Variants in ISCA1 observed in about 807,000 individuals in gnomAD.
ISCA1 encodes iron-sulfur cluster assembly 1.
A neutral mutation model predicts 14.7 loss-of-function variants in ISCA1; 9 were observed. That is an observed-to-expected ratio of 0.61 (90% CI 0.37 to 1.07). The LOEUF (loss-of-function observed/expected upper bound fraction) is 1.07. ISCA1 is among the 50% of genes least tolerant of loss of function. ISCA1 has a pLI of 0.01. For missense variants in ISCA1, 102 were observed against 150.1 expected, an observed-to-expected ratio of 0.68 and a Z score of 1.67; for synonymous variants, 38 against 54.3, an observed-to-expected ratio of 0.70 and a Z score of 1.32.
intron 1 of ISCA1, among the ~76,000 whole-genome samples, chr9:86,281,221 C>T (rs191534211): frequency 6.6e-6 from 1 of 152,226 alleles, no homozygotes; most frequent in East Asian, 1.9e-4. Flanking sequence ...TAGAATGATA[C>T]ATAATCAGTA....
chr9:86,269,792 T>G (rs932852092), intron 3 of ISCA1, among the ~76,000 whole-genome samples: 4 of 151,678 alleles, frequency 2.6e-5, no homozygotes, highest in South Asian at 4.2e-4. Flanking sequence ...ACGCCGCATA[T>G]CTACAACTAT....
chr9:86,275,201 A>AG (rs1374585764), intron 1 of ISCA1, among the ~76,000 whole-genome samples: 2 of 151,838 alleles, frequency 1.3e-5, no homozygotes, highest in African/African-American at 4.8e-5. Flanking sequence ...GCACAAAAAT[A>AG]CCAAGTATTA....
At position 86,266,141 on chromosome 9, in the gene ISCA1, C is replaced by G. The variant is rs1172347119; in HGVS notation, c.292G>C (p.Glu98Gln). The G allele has an allele frequency of 1.2e-6, 2 of 1,612,506 alleles. No individual in the cohort carries two copies. Among genetic ancestry groups the G allele is most frequent in the Non-Finnish European group, 1.7e-6 (2 of 1,179,418 alleles). The change falls in exon 4 of 4, where the codon GAA (glutamate) becomes CAA (glutamine). Residue 98 changes from glutamate (E) to glutamine (Q), a missense_variant. Coordinates refer to ENST00000375991, the MANE Select transcript of ISCA1 (RefSeq NM_030940.4). Reference sequence around the variant, plus strand: ...AATTTGTCTTCAACATAGTCCATTTCTGTTCCTAAAAGTGTTAGCTGTGCT... The same window carrying G: ...AATTTGTCTTCAACATAGTCCATTTGTGTTCCTAAAAGTGTTAGCTGTGCT... ...KKAQLTLLGTEMDYVEDKLSS... is the reference protein window; with the variant it reads ...KKAQLTLLGTQMDYVEDKLSS...
intron 3 of ISCA1, chr9:86,267,244 G>A (rs996432093): frequency 4.2e-5 from 32 of 754,356 alleles, no homozygotes; most frequent in Non-Finnish European, 4.8e-5. Flanking sequence ...ACAAAACAAC[G>A]AAACAACAAA....
Position 86,282,447 on chromosome 9 carries a change from G to A in ISCA1, c.12C>T (p.Ser4=), listed in dbSNP as rs1442583297. MSA[S]LVRATVRAVS... is the part of the protein sequence containing the mutation. ...CAGCCCGGACAGTTGCCCGGACTAA[G>A]GAAGCCGACATCTTCGCCGTCCCGG... The change falls in exon 1 of 4, where the codon TCC becomes TCT. Residue 4 remains serine, a synonymous_variant. Coordinates refer to ENST00000375991, the MANE Select transcript of ISCA1 (RefSeq NM_030940.4). 7.7e-6 allele frequency: 12 copies of A among 1,553,794 alleles called. No individual in the cohort carries two copies. The highest frequency in any genetic ancestry group is 1.7e-4 in the Middle Eastern group (1 of 5,986).
At chr9:86,281,503 G>A (rs189432569) in intron 1 of ISCA1, among the ~76,000 whole-genome samples, 1 of 152,278 alleles carries the variant, frequency 6.6e-6, no homozygotes, top group Admixed American at 6.5e-5. Flanking sequence ...TTCTTTTGGG[G>A]TGAAAGTATT....
intron 2 of ISCA1, among the ~76,000 whole-genome samples, chr9:86,273,754 A>G (rs1267533315): frequency 6.6e-6 from 1 of 152,076 alleles, no homozygotes. Context: ...CTTTTACTCT[A>G]TACAGTCACC....
chr9:86,272,046 T>C lies in ISCA1; in HGVS notation c.202A>G (p.Lys68Glu). ...NGLSYTLEYT[K>E]TKGDSDEEVI... ...TCTTCATCAGAATCTCCTTTTGTCT[T>C]TGTATATTCTAGAGTATAAGAAAGG... Residue 68 changes from lysine (K) to glutamate (E), a missense_variant, in exon 3 of 4, where the codon AAG (lysine) becomes GAG (glutamate). Lys to Glu is a moderately conservative substitution (Grantham distance 56). Transcript: ENST00000375991. 2 of 1,605,620 alleles carry C rather than the reference T, an allele frequency of 1.2e-6. No homozygotes were observed. Among genetic ancestry groups the C allele is most frequent in the African/African-American group, 1.3e-5 (1 of 74,820 alleles).
intron 1 of ISCA1, among the ~76,000 whole-genome samples, chr9:86,277,239 G>A (rs1340099968): frequency 1.3e-5 from 2 of 152,278 alleles, no homozygotes; most frequent in African/African-American, 4.8e-5. Context: ...GACTCTTTAA[G>A]GGAAAAGTAA....
intron 2 of ISCA1, among the ~76,000 whole-genome samples, chr9:86,273,485 T>C (rs977253898): frequency 3.3e-5 from 5 of 152,050 alleles, no homozygotes; most frequent in Admixed American, 6.6e-5. Context: ...GTTAAAGAAC[T>C]CAAACTTGTT....
At chr9:86,278,403 G>A (rs934651600) in intron 1 of ISCA1, among the ~76,000 whole-genome samples, 5 of 152,122 alleles carry the variant, frequency 3.3e-5, no homozygotes, top group African/African-American at 1.2e-4. Flanking sequence ...GGTGGCTCAT[G>A]CCTGTAATGC....
At chr9:86,266,255 G>A in intron 3 of ISCA1, 64 bp from the exon 4 acceptor site, 1 of 1,525,550 alleles carries the variant, frequency 6.6e-7, no homozygotes, top group Non-Finnish European at 8.8e-7. Flanking sequence ...CTGATTCAAA[G>A]CACAAGTGAA....
At chr9:86,270,739 T>C (rs949300832) in intron 3 of ISCA1, among the ~76,000 whole-genome samples, 4 of 150,684 alleles carry the variant, frequency 2.7e-5, no homozygotes, top group African/African-American at 7.3e-5. Flanking sequence ...GTGGCACATA[T>C]ACACCATGGA....
At chr9:86,279,336 G>A (rs1337028460) in intron 1 of ISCA1, among the ~76,000 whole-genome samples, 1 of 152,112 alleles carries the variant, frequency 6.6e-6, no homozygotes, top group Non-Finnish European at 1.5e-5. Context: ...GTACAATGAT[G>A]GAAATAAATC....
At position 86,274,209 on chromosome 9, in the gene ISCA1, G is replaced by C. The variant is rs1333093455; in HGVS notation, c.115C>G (p.Leu39Val). ...PSAVNKIKQL[L>V]KDKPEHVGVK... Reference sequence around the variant, plus strand: ...CTTACATGCTCAGGCTTATCTTTAAGAAGTTGTTTTATCTTGTTTACTGCT... The same window carrying C: ...CTTACATGCTCAGGCTTATCTTTAACAAGTTGTTTTATCTTGTTTACTGCT... Residue 39 changes from leucine to valine, a missense_variant, in exon 2 of 4, where the codon CTT (leucine) becomes GTT (valine). By Grantham distance (32) the Leu-to-Val change is conservative (BLOSUM62 1). Transcript: ENST00000375991. 6.3e-7 allele frequency: 1 copy of C among 1,589,664 alleles called. No homozygotes were observed.
At chr9:86,272,153 T>A in intron 2 of ISCA1, 41 bp from the exon 3 acceptor site, 2 of 1,194,448 alleles carry the variant, frequency 1.7e-6, no homozygotes, top group Non-Finnish European at 2.5e-6. Context: ...TTTAAAGTAG[T>A]ACAGATTAAA....
chr9:86,275,838 TTTTG>T (rs1825434348), intron 1 of ISCA1, among the ~76,000 whole-genome samples: 2 of 152,090 alleles, frequency 1.3e-5, no homozygotes, highest in Admixed American at 1.3e-4. Context: ...AGGATTATGG[TTTTG>T]TTTTTGTTTT....
intron 1 of ISCA1, among the ~76,000 whole-genome samples, chr9:86,275,735 C>T (rs1172563817): frequency 1.3e-5 from 2 of 152,184 alleles, no homozygotes; most frequent in Non-Finnish European, 2.9e-5. Flanking sequence ...TCTAAAGGCC[C>T]ATGGTTTCCC....
In ISCA1 at chr9:86,282,526, C is replaced by T. The variant is rs942065122; in HGVS notation, c.-68G>A. ...CCGCCTCAGCTTCTCTCCATGGACA[C>T]GGCGGGCGCATTGACGCCACAAGCT... On this transcript the variant is annotated 5_prime_UTR_variant, in exon 1 of 4. In the 5' UTR this introduces an upstream ATG that the reference lacks. Transcript: ENST00000375991. 1 of 1,549,478 alleles carries T rather than the reference C, an allele frequency of 6.5e-7. No individual in the cohort carries two copies. The highest frequency in any genetic ancestry group is 8.7e-7 in the Non-Finnish European group (1 of 1,146,470).
Sources: allele counts gnomAD v4.1 joint callset (sites outside exome capture counted in the v4.1 genomes callset), GRCh38; gene constraint gnomAD v4.1.1; transcripts MANE v1.5; gene names NCBI Gene and HGNC (gene_info 2026-07-23, HGNC 2026-07-21).